Variants in MAGI2 observed in about 807,000 individuals in gnomAD.
MAGI2 encodes membrane associated guanylate kinase, WW and PDZ domain containing 2, also known as membrane-associated guanylate kinase, WW and PDZ domain-containing protein 2.
A neutral mutation model predicts 133.3 loss-of-function variants in MAGI2; 35 were observed. The observed-to-expected ratio is 0.26, with a 90% CI of 0.20 to 0.35. MAGI2 has a LOEUF of 0.35. Among genes scored for constraint, MAGI2 ranks in the 10% least tolerant of loss-of-function variants. The pLI is 1.00. For missense variants in MAGI2, 1,636 were observed against 1,863.4 expected, an observed-to-expected ratio of 0.88 and a Z score of 2.25; for synonymous variants, 729 against 710.6, an observed-to-expected ratio of 1.03 and a Z score of -0.41.
At chr7:79,283,652 C>G (rs1331065323) in intron 1 of MAGI2, among the ~76,000 whole-genome samples, 1 of 152,008 alleles carries the variant, frequency 6.6e-6, no homozygotes, top group African/African-American at 2.4e-5. Flanking sequence ...CTAAGAGGCT[C>G]TGGGAAAATT....
At chr7:78,569,803 C>G (rs143994552) in intron 3 of MAGI2, among the ~76,000 whole-genome samples, 217 of 152,244 alleles carry the variant, frequency 1.4e-3, no homozygotes, top group Middle Eastern at 0.01. Context: ...GTCATTATGG[C>G]CTACCCAAGG....
intron 2 of MAGI2, among the ~76,000 whole-genome samples, chr7:78,838,635 A>T (rs1212602896): frequency 6.6e-6 from 1 of 151,994 alleles, no homozygotes; most frequent in Non-Finnish European, 1.5e-5. Flanking sequence ...ATTTGTATGT[A>T]CAAATATATT....
At chr7:79,041,542 G>A (rs1237168950) in intron 1 of MAGI2, among the ~76,000 whole-genome samples, 1 of 152,010 alleles carries the variant, frequency 6.6e-6, no homozygotes, top group Non-Finnish European at 1.5e-5. Flanking sequence ...TTTAGGAAAT[G>A]CACAATTATT....
chr7:79,331,535 T>C lies in MAGI2; in HGVS notation c.301+121485A>G, dbSNP rs535672680. Among the ~76,000 whole-genome samples the C allele has an allele frequency of 6.7e-4, 102 of 152,292 alleles. 1 individual carries two copies. Among genetic ancestry groups the C allele is most frequent in the African/African-American group, 2.4e-3 (98 of 41,572 alleles). On this transcript the variant is annotated intron_variant, in intron 1 of 21. Coordinates refer to ENST00000354212, the MANE Select transcript of MAGI2 (RefSeq NM_012301.4). ...CACACATTGACTATTACATATAGAT[T>C]GCATATTAAGGGTCTATTTACAGAC...
At chr7:78,872,778 G>A (rs1201815551) in intron 2 of MAGI2, among the ~76,000 whole-genome samples, 1 of 152,082 alleles carries the variant, frequency 6.6e-6, no homozygotes, top group Non-Finnish European at 1.5e-5. Flanking sequence ...AAGACAGAGA[G>A]AAGAAGATTC....
chr7:78,896,678 G>A (rs1022789468), intron 2 of MAGI2, among the ~76,000 whole-genome samples: 18 of 151,720 alleles, frequency 1.2e-4, no homozygotes, highest in African/African-American at 3.6e-4. Flanking sequence ...AGCGATTCTC[G>A]TGCCTCAGCC....
intron 1 of MAGI2, among the ~76,000 whole-genome samples, chr7:79,221,282 G>T (rs983399286): frequency 6.6e-6 from 1 of 151,958 alleles, no homozygotes; most frequent in Non-Finnish European, 1.5e-5. Flanking sequence ...AAGAAATGTG[G>T]ATTGTTATTC....
chr7:78,560,728 C>T (rs1800317427), intron 3 of MAGI2, among the ~76,000 whole-genome samples: 1 of 152,072 alleles, frequency 6.6e-6, no homozygotes. Context: ...CCTTTGATAG[C>T]CTTTTGTCTG....
chr7:79,153,784 C>T (rs1487252699), intron 1 of MAGI2, among the ~76,000 whole-genome samples: 1 of 152,080 alleles, frequency 6.6e-6, no homozygotes. Context: ...AGGACAGATT[C>T]AGATGGGTTT....
chr7:78,045,801 A>G (rs577228347), intron 21 of MAGI2, among the ~76,000 whole-genome samples: 1 of 152,256 alleles, frequency 6.6e-6, no homozygotes, highest in East Asian at 1.9e-4. Context: ...TATCCCACAG[A>G]ACCCATACTC....
At chr7:79,400,398 C>A (rs1180190588) in intron 1 of MAGI2, among the ~76,000 whole-genome samples, 2 of 152,022 alleles carry the variant, frequency 1.3e-5, no homozygotes, top group African/African-American at 4.8e-5. Flanking sequence ...TCCAAAAAAA[C>A]AAAGTCATAG....
chr7:78,374,501 T>C (rs1794245677), intron 6 of MAGI2, among the ~76,000 whole-genome samples: 1 of 152,190 alleles, frequency 6.6e-6, no homozygotes. Context: ...TCTCCTATTC[T>C]GTAGATCTTT....
chr7:79,297,868 T>A (rs1049331902), intron 1 of MAGI2, among the ~76,000 whole-genome samples: 1 of 152,206 alleles, frequency 6.6e-6, no homozygotes, highest in African/African-American at 2.4e-5. Flanking sequence ...GACTTAACTT[T>A]CGTCAGGTGG....
intron 3 of MAGI2, among the ~76,000 whole-genome samples, chr7:78,581,714 T>G (rs1802857454): frequency 6.6e-6 from 1 of 152,110 alleles, no homozygotes; most frequent in Non-Finnish European, 1.5e-5. Context: ...ACAAATTTGG[T>G]TAAGTTTTGG....
rs189560355 is a variant in MAGI2 at position 78,547,653 on chromosome 7, G to A, written c.539-26008C>T. The stretch of plus-strand genomic sequence containing the variant: ...GATGCCATTCTATCACAAGGCACGC[G>A]CGCACACACACACTCACTCAGATTA... On this transcript the variant is annotated intron_variant, in intron 3 of 21. Transcript: ENST00000354212. 2.0e-3 allele frequency among the ~76,000 whole-genome samples: 298 copies of A among 152,258 alleles called. 1 individual carries two copies. The highest frequency in any genetic ancestry group is 6.5e-3 in the African/African-American group (271 of 41,564).
At chr7:78,449,942 AAC>A (rs1788546785) in intron 6 of MAGI2, among the ~76,000 whole-genome samples, 1 of 152,114 alleles carries the variant, frequency 6.6e-6, no homozygotes, top group Non-Finnish European at 1.5e-5. Context: ...GGCTTTCGAT[AAC>A]ACTGTCTTAG....
At chr7:78,041,422 T>C (rs967977670) in intron 21 of MAGI2, among the ~76,000 whole-genome samples, 13 of 152,150 alleles carry the variant, frequency 8.5e-5, no homozygotes, top group African/African-American at 2.9e-4. Flanking sequence ...ACGCCTGTAA[T>C]CCCAACACTC....
intron 2 of MAGI2, among the ~76,000 whole-genome samples, chr7:78,838,478 AAATT>A (rs757110287): frequency 1.9e-4 from 28 of 150,272 alleles, no homozygotes; most frequent in Middle Eastern, 6.8e-3. Flanking sequence ...GTATACCTAA[AAATT>A]AATTAAATAA....
Position 78,333,518 on chromosome 7 carries a change from A to G in MAGI2, c.1408+10260T>C, listed in dbSNP as rs547502067. ...AAAGTTGCATTTCTCTGATTAGATCATTTGGTTTTAGGAATTGACAGACCA... is the reference window on the plus strand; with the variant it reads ...AAAGTTGCATTTCTCTGATTAGATCGTTTGGTTTTAGGAATTGACAGACCA... On this transcript the variant is annotated intron_variant, in intron 9 of 21. Coordinates refer to ENST00000354212, the MANE Select transcript of MAGI2 (RefSeq NM_012301.4). 3.3e-5 allele frequency among the ~76,000 whole-genome samples: 5 copies of G among 152,302 alleles called. No homozygotes were observed. The South Asian group carries it at 6.2e-4, about 19-fold the overall frequency.
Sources: gnomAD v4.1 joint callset for allele counts (sites outside exome capture counted in the v4.1 genomes callset) on GRCh38, gnomAD v4.1.1 for gene constraint, MANE v1.5 for transcripts, NCBI Gene and HGNC (gene_info 2026-07-23, HGNC 2026-07-21) for gene names.